The following RGL1 variants were observed in gnomAD, a reference collection of about 807,000 sequenced individuals.
The protein encoded by RGL1 is ral guanine nucleotide dissociation stimulator like 1.
A neutral mutation model predicts 95.2 loss-of-function variants in RGL1; 24 were observed. The ratio of observed to expected loss-of-function variants is 0.25; its 90% CI spans 0.18 to 0.35. The LOEUF (loss-of-function observed/expected upper bound fraction) is 0.35. Among genes scored for constraint, RGL1 ranks in the 10% least tolerant of loss-of-function variants. The pLI, the probability that RGL1 is intolerant of heterozygous loss-of-function variation, is 1.00. For synonymous variants in RGL1, 329 were observed against 344.9 expected, an observed-to-expected ratio of 0.95 and a Z score of 0.51; for missense variants, 715 against 936.3, an observed-to-expected ratio of 0.76 and a Z score of 3.08.
In RGL1 at chr1:183,660,362, G is replaced by T. The variant is rs1299244268; in HGVS notation, c.-33+23861G>T. 7.0e-3 allele frequency among the ~76,000 whole-genome samples: 1,060 copies of T among 150,452 alleles called. 19 individuals carry two copies. The highest frequency in any genetic ancestry group is 0.026 in the African/African-American group (1,019 of 39,858). On this transcript the variant is annotated intron_variant, in intron 1 of 18. Coordinates refer to the RGL1 transcript ENST00000304685. ...GGCTCAAAATAAAGGGATGGAGAAA[G>T]ATCTACCAAGCAAATGCAAAACACA...
intron 3 of RGL1, among the ~76,000 whole-genome samples, chr1:183,849,482 A>AATTTTTTTTTTTTTTTTT (rs150367802): frequency 3.0e-5 from 3 of 99,360 alleles, no homozygotes; most frequent in Admixed American, 1.4e-4. Context: ...TCCAGTTTTT[A>AATTTTTTTTTTTTTTTTT]GTTTTTTTTT....
chr1:183,856,998 A>G (rs1349647427), intron 3 of RGL1, among the ~76,000 whole-genome samples: 1 of 152,182 alleles, frequency 6.6e-6, no homozygotes, highest in Non-Finnish European at 1.5e-5. Flanking sequence ...ACCTGGGAAT[A>G]TGTTAGGTTA....
intron 2 of RGL1, among the ~76,000 whole-genome samples, chr1:183,840,718 A>AATAT (rs1314576283): frequency 2.0e-5 from 3 of 150,490 alleles, no homozygotes; most frequent in Non-Finnish European, 3.0e-5. Context: ...TAAATAAATA[A>AATAT]ATAAATAATA....
At chr1:183,843,108 G>A (rs764993499) in intron 2 of RGL1, among the ~76,000 whole-genome samples, 12 of 152,180 alleles carry the variant, frequency 7.9e-5, no homozygotes, top group Non-Finnish European at 1.8e-4. Flanking sequence ...CAGGTATTAG[G>A]ATATTTAGCA....
At chr1:183,677,179 C>G (rs1031713762) in intron 1 of RGL1, among the ~76,000 whole-genome samples, 1 of 151,192 alleles carries the variant, frequency 6.6e-6, no homozygotes, top group African/African-American at 2.4e-5. Context: ...TTGCTTATTC[C>G]AAATCGTATT....
intron 2 of RGL1, among the ~76,000 whole-genome samples, chr1:183,817,520 G>A (rs1000443089): frequency 2.6e-5 from 4 of 151,850 alleles, no homozygotes; most frequent in African/African-American, 4.8e-5. Flanking sequence ...CCACAAATCC[G>A]ACCTTCCTTC....
Position 183,806,408 on chromosome 1 carries a change from G to A in RGL1, c.61G>A (p.Glu21Lys). The change falls in exon 2 of 18, where the codon GAA (glutamate) becomes AAA (lysine). Residue 21 changes from glutamate to lysine, a missense_variant. Glu to Lys is a moderately conservative substitution (Grantham distance 56). Around this residue, in one of 3 missense-constraint regions of RGL1, gnomAD observed 381 missense variants for 484.8 expected, o/e 0.79. Transcript: ENST00000360851. ...TCAGGACTGGGGTGAAGAGGTAGAGGAAGGAGCTGTTTACCATGTCACCCT... is the reference window on the plus strand; with the variant it reads ...TCAGGACTGGGGTGAAGAGGTAGAGAAAGGAGCTGTTTACCATGTCACCCT... ...SIQDWGEEVE[E>K]GAVYHVTLKR... The A allele has an allele frequency of 6.2e-7, 1 of 1,614,066 alleles. No homozygotes were observed. Among genetic ancestry groups the A allele is most frequent in the Non-Finnish European group, 8.5e-7 (1 of 1,179,988 alleles).
Position 183,724,168 on chromosome 1 carries a change from G to A in RGL1, c.-32-17958G>A, listed in dbSNP as rs1343114390. Among the ~76,000 whole-genome samples, 1 of 152,220 alleles carries A rather than the reference G, an allele frequency of 6.6e-6. No individual in the cohort carries two copies. The highest frequency in any genetic ancestry group is 1.5e-5 in the Non-Finnish European group (1 of 68,040). On this transcript the variant is annotated intron_variant, in intron 1 of 18. Transcript: ENST00000304685. This position sits in a 1 kb window ranked among gnomAD's most constrained non-coding sequence, Gnocchi z 4.1. ...AATAATCAGCAGTGGTAGGTGGGTA[G>A]TACATGCCATGGGTCTTGGGTGAGA...
intron 13 of RGL1, among the ~76,000 whole-genome samples, chr1:183,906,189 C>T (rs1291332013): frequency 2.0e-5 from 3 of 152,158 alleles, no homozygotes; most frequent in African/African-American, 7.2e-5. Flanking sequence ...CAGGTCTGCC[C>T]GGCTCTACAG....
At chr1:183,731,103 G>T (rs1260051673) in intron 1 of RGL1, among the ~76,000 whole-genome samples, 1 of 152,092 alleles carries the variant, frequency 6.6e-6, no homozygotes, top group South Asian at 2.1e-4. Context: ...CAAAATTGGA[G>T]CAATGAACCT....
chr1:183,879,779 T>C (rs1011205413), intron 4 of RGL1, among the ~76,000 whole-genome samples: 4 of 152,248 alleles, frequency 2.6e-5, no homozygotes, highest in Admixed American at 2.6e-4. Flanking sequence ...ATCCTTTTTA[T>C]CCTTCAGCTA....
chr1:183,744,813 T>C (rs1451700012), intron 2 of RGL1, among the ~76,000 whole-genome samples: 1 of 152,186 alleles, frequency 6.6e-6, no homozygotes, highest in East Asian at 1.9e-4. Flanking sequence ...TTGATTAACT[T>C]TTAGTTTTCT....
At chr1:183,805,958 TTTC>T (rs1484167697) in intron 1 of RGL1, among the ~76,000 whole-genome samples, 3 of 132,874 alleles carry the variant, frequency 2.3e-5, no homozygotes, top group Non-Finnish European at 3.2e-5. Flanking sequence ...TCTTTTTCTT[TTTC>T]TTTTCTTTTC....
At chr1:183,824,296 TCTG>T (rs2102466961) in intron 2 of RGL1, among the ~76,000 whole-genome samples, 1 of 152,304 alleles carries the variant, frequency 6.6e-6, no homozygotes, top group Non-Finnish European at 1.5e-5. Context: ...GCTCATCACA[TCTG>T]CTTCTCCTTT....
intron 1 of RGL1, among the ~76,000 whole-genome samples, chr1:183,673,615 T>G (rs1572258062): frequency 6.6e-6 from 1 of 152,250 alleles, no homozygotes. Context: ...CTGATTTTGG[T>G]TCTAAATTCC....
At chr1:183,675,462 C>A (rs529326635) in intron 1 of RGL1, among the ~76,000 whole-genome samples, 1 of 143,566 alleles carries the variant, frequency 7.0e-6, no homozygotes, top group Admixed American at 7.3e-5. Context: ...GGAAAATGGA[C>A]ATTGTTGAAG....
intron 2 of RGL1, among the ~76,000 whole-genome samples, chr1:183,810,901 C>T (rs1661665395): frequency 6.6e-6 from 1 of 152,200 alleles, no homozygotes; most frequent in Non-Finnish European, 1.5e-5. Context: ...TTACCTCACT[C>T]TGTTGTAATT....
At chr1:183,812,837 T>C (rs1266897180) in intron 2 of RGL1, among the ~76,000 whole-genome samples, 1 of 152,044 alleles carries the variant, frequency 6.6e-6, no homozygotes, top group Non-Finnish European at 1.5e-5. Context: ...AGACTTCCCC[T>C]GTGAGGCTCA....
intron 10 of RGL1, among the ~76,000 whole-genome samples, chr1:183,898,099 A>G (rs1667804758): frequency 6.6e-6 from 1 of 152,208 alleles, no homozygotes; most frequent in African/African-American, 2.4e-5. Context: ...ACTAGTAGGA[A>G]GTAAGCACTG....
Sources: allele counts gnomAD v4.1 joint callset (sites outside exome capture counted in the v4.1 genomes callset), GRCh38; gene constraint gnomAD v4.1.1; regional missense constraint gnomAD v4.1.1; non-coding constraint Gnocchi (gnomAD v3.1); transcripts MANE v1.5; gene names NCBI Gene and HGNC (gene_info 2026-07-23, HGNC 2026-07-21).